The following DNAH6 variants were observed in gnomAD, a reference collection of about 807,000 sequenced individuals.
The protein encoded by DNAH6 is axonemal beta dynein heavy chain 6.
A neutral mutation model predicts 491.4 loss-of-function variants in DNAH6; 340 were observed. The ratio of observed to expected loss-of-function variants is 0.69; its 90% CI spans 0.63 to 0.76. The LOEUF (loss-of-function observed/expected upper bound fraction) is 0.76. DNAH6 is among the 30% of genes least tolerant of loss of function. The pLI is 0.00. For synonymous variants in DNAH6, 1,603 were observed against 1,686.1 expected (o/e 0.95, Z 1.21); for missense variants, 4,443 against 4,972.2 (o/e 0.89, Z 3.20).
chr2:84,631,468 C>T (rs1489219064), intron 29 of DNAH6, among the ~76,000 whole-genome samples: 1 of 152,070 alleles, frequency 6.6e-6, no homozygotes, highest in Non-Finnish European at 1.5e-5. Flanking sequence ...TGAATGTTAC[C>T]TAATTTGGGC....
chr2:84,479,639 G>A, the DNAH6 span, among the ~76,000 whole-genome samples: 8 of 152,130 alleles, frequency 5.3e-5, no homozygotes, highest in South Asian at 2.1e-4. Flanking sequence ...AACCCACTCC[G>A]TACCCACTCT....
chr2:84,713,371 T>A lies in DNAH6; in HGVS notation c.9543+112T>A, dbSNP rs1046682603. ...GGGAAAGTGCTCCCCCATTCTCCCC[T>A]GTCTCCTATACACTCCCCTTTCTTC... On this transcript the variant is annotated intron_variant, in intron 57 of 76. Transcript: ENST00000389394. The A allele has an allele frequency of 4.8e-6, 5 of 1,038,922 alleles. No homozygotes were observed. The African/African-American group carries it at 8.1e-5, about 17-fold the overall frequency. 64.4% of individuals were successfully genotyped at this position (1,038,922 alleles called of 1,614,324 possible).
chr2:84,654,907 A>T, intron 35 of DNAH6, 125 bp downstream of exon 35: 1 of 1,026,270 alleles, frequency 9.7e-7, no homozygotes, highest in Non-Finnish European at 1.4e-6. Flanking sequence ...TATTTTACCT[A>T]GTCCTCCCTG....
chr2:84,616,630 C>A (rs879332883), intron 22 of DNAH6, among the ~76,000 whole-genome samples: 1 of 152,004 alleles, frequency 6.6e-6, no homozygotes, highest in African/African-American at 2.4e-5. Flanking sequence ...GTCTGGACAT[C>A]CAGATTGGTA....
rs1423258627 is a variant in DNAH6, at chr2:84,813,114, T to C, written c.11982T>C (p.Pro3994=). ...ACTGGATCTCTGGTTTCTTCTTTCC[T>C]CAAGGATTTCTAACAGGTACCAGCG... is the stretch of plus-strand genomic sequence containing the variant. ...KSYWISGFFF[P]QGFLTGTLQN... Residue 3994 remains proline, a synonymous_variant, in exon 74 of 77, where the codon CCT becomes CCC. Coordinates refer to ENST00000389394, the MANE Select transcript of DNAH6 (RefSeq NM_001370.2). 1 of 1,551,744 alleles carries C rather than the reference T, an allele frequency of 6.4e-7. No individual in the cohort carries two copies. Among genetic ancestry groups the C allele is most frequent in the African/African-American group, 1.4e-5 (1 of 73,158 alleles).
intron 3 of DNAH6, among the ~76,000 whole-genome samples, chr2:84,527,846 C>T (rs1676748247): frequency 1.3e-5 from 2 of 152,298 alleles, no homozygotes; most frequent in South Asian, 4.1e-4. Flanking sequence ...AGTAATACAT[C>T]CCTGCAGAAA....
chr2:84,564,239 A>G (rs993673558), intron 11 of DNAH6, among the ~76,000 whole-genome samples: 1 of 152,010 alleles, frequency 6.6e-6, no homozygotes, highest in Non-Finnish European at 1.5e-5. Flanking sequence ...GAAAAAAGAT[A>G]TAAATAGTTT....
chr2:84,702,542 C>CTTTTTT (rs34867074), intron 49 of DNAH6, among the ~76,000 whole-genome samples: 3 of 132,480 alleles, frequency 2.3e-5, no homozygotes, highest in South Asian at 2.4e-4. Context: ...TTTGAACCAG[C>CTTTTTT]TTTTTTTTTT....
At position 84,672,316 on chromosome 2, in the gene DNAH6, T is replaced by C; in HGVS notation, c.6455-11T>C. ...CATAATTCTTAAATTAAATTCATTTTATTTCCCTAGGAGCACCGGGAAACA... is the reference window on the plus strand; with the variant it reads ...CATAATTCTTAAATTAAATTCATTTCATTTCCCTAGGAGCACCGGGAAACA... On this transcript the variant is annotated splice_polypyrimidine_tract_variant and intron_variant, in intron 39 of 76. Transcript: ENST00000389394. 1 of 1,538,748 alleles carries C rather than the reference T, an allele frequency of 6.5e-7. No homozygotes were observed. The highest frequency in any genetic ancestry group is 8.8e-7 in the Non-Finnish European group (1 of 1,142,030).
chr2:84,496,536 T>G, the DNAH6 span, among the ~76,000 whole-genome samples: 4 of 152,182 alleles, frequency 2.6e-5, no homozygotes, highest in African/African-American at 9.6e-5. Context: ...ACCAGAGATA[T>G]TCATGTGAAT....
At chr2:84,602,026 A>G (rs765183868) in intron 18 of DNAH6, among the ~76,000 whole-genome samples, 26 of 152,102 alleles carry the variant, frequency 1.7e-4, no homozygotes, top group Admixed American at 1.0e-3. Flanking sequence ...TAATTCCTCC[A>G]TACATTCTTT....
chr2:84,701,932 G>T (rs1380090291), intron 49 of DNAH6, among the ~76,000 whole-genome samples: 1 of 152,118 alleles, frequency 6.6e-6, no homozygotes, highest in African/African-American at 2.4e-5. Flanking sequence ...GTTGGTCTGA[G>T]GGCCTTCTCC....
chr2:84,715,774 C>A, intron 58 of DNAH6, 147 bp downstream of exon 58: 1 of 736,870 alleles, frequency 1.4e-6, no homozygotes, highest in Non-Finnish European at 2.2e-6. Context: ...AGTAAGTGGC[C>A]AAGTTCTTTA....
intron 42 of DNAH6, among the ~76,000 whole-genome samples, chr2:84,683,426 T>TTTTA (rs1434607312): frequency 6.8e-6 from 1 of 146,536 alleles, no homozygotes; most frequent in Non-Finnish European, 1.5e-5. Flanking sequence ...TTTTTTTTTT[T>TTTTA]TTTTTTTTTT....
intron 16 of DNAH6, 81 bp downstream of exon 16, chr2:84,589,035 CTG>C: frequency 8.0e-7 from 1 of 1,254,950 alleles, no homozygotes; most frequent in Non-Finnish European, 1.1e-6. Flanking sequence ...AATAATGTAA[CTG>C]TAAACATTCA....
At chr2:84,676,945 G>C in intron 40 of DNAH6, 60 bp from the exon 41 acceptor site, 1 of 1,534,472 alleles carries the variant, frequency 6.5e-7, no homozygotes, top group East Asian at 2.5e-5. Context: ...CTACCATTAG[G>C]ATAGGCAGGT....
chr2:84,727,607 T>A (rs1698757632), intron 60 of DNAH6, 62 bp from the exon 61 acceptor site: 1 of 1,073,394 alleles, frequency 9.3e-7, no homozygotes, highest in Non-Finnish European at 1.4e-6. Context: ...GGAGACAGAT[T>A]TTTTGTTCTC....
intron 3 of DNAH6, 123 bp from the exon 4 acceptor site, chr2:84,528,781 T>A: frequency 1.0e-6 from 1 of 957,656 alleles, no homozygotes; most frequent in Non-Finnish European, 1.5e-6. Context: ...CCAAAATGCT[T>A]GCCTTTGAGC....
chr2:84,553,254 AG>A (rs1461163712), intron 10 of DNAH6, among the ~76,000 whole-genome samples: 5 of 152,236 alleles, frequency 3.3e-5, no homozygotes, highest in Admixed American at 3.3e-4. Context: ...AGGCTTGGTA[AG>A]GTACAGAAAA....
Sources: gnomAD v4.1 joint callset for allele counts (sites outside exome capture counted in the v4.1 genomes callset) on GRCh38, gnomAD v4.1.1 for gene constraint, MANE v1.5 for transcripts, NCBI Gene and HGNC (gene_info 2026-07-23, HGNC 2026-07-21) for gene names.